ARHGAP29: variants seen among roughly 807,000 people sequenced by gnomAD.
ARHGAP29 encodes the protein rho GTPase-activating protein 29.
Under a neutral mutation model 122.6 loss-of-function variants are expected in ARHGAP29, and 43 were observed. That is an observed-to-expected ratio of 0.35 (90% CI 0.27 to 0.45). The LOEUF is 0.45. Among genes scored for constraint, ARHGAP29 ranks in the 20% least tolerant of loss-of-function variants. The pLI is 1.00. For synonymous variants in ARHGAP29, 506 were observed against 497.1 expected (o/e 1.02, Z -0.24); for missense variants, 1,303 against 1,477.2 (o/e 0.88, Z 1.93).
rs748546436 is a variant in ARHGAP29, at chr1:94,205,041, T to C, written c.697+20A>G. The C allele has an allele frequency of 6.4e-6, 10 of 1,550,478 alleles. No individual in the cohort carries two copies. The Admixed American group carries it at 1.7e-4, about 27-fold the overall frequency. ...CTTAATTATTATACTCTAAATCAGA[T>C]GCTTTAAAAGGCAACTCACCCAAGT... On this transcript the variant is annotated intron_variant, in intron 7 of 22. Coordinates refer to ENST00000260526, the MANE Select transcript of ARHGAP29 (RefSeq NM_004815.4).
At chr1:94,283,838 A>T in the ARHGAP29 span, among the ~76,000 whole-genome samples, 1 of 152,262 alleles carries the variant, frequency 6.6e-6, no homozygotes, top group Admixed American at 6.5e-5. Context: ...CTATCAAATG[A>T]TAGCATAAAG....
rs1648762964 is a variant in ARHGAP29 at position 94,171,976 on chromosome 1, T to C, written c.*1893A>G. 6.6e-6 allele frequency: 1 copy of C among 152,194 alleles called. No individual in the cohort carries two copies. Among genetic ancestry groups the C allele is most frequent in the African/African-American group, 2.4e-5 (1 of 41,458 alleles). The allele number at this position is 152,194 out of a possible 1,614,324, so 9.4% of individuals were successfully genotyped here. A position where few individuals can be genotyped will look rare whatever the true frequency, so the allele number is the denominator to read the frequency against. On this transcript the variant is annotated 3_prime_UTR_variant, in exon 23 of 23. Coordinates refer to ENST00000260526, the MANE Select transcript of ARHGAP29 (RefSeq NM_004815.4). ...ATATGCTTAAAAATGGTTCAAACAA[T>C]ATACTTAAAAATGGTAAATGTTATG...
At chr1:94,312,175 A>G in the ARHGAP29 span, among the ~76,000 whole-genome samples, 1 of 151,988 alleles carries the variant, frequency 6.6e-6, no homozygotes, top group East Asian at 1.9e-4. Flanking sequence ...TTTTCTCTTG[A>G]CTATATTCCA....
the ARHGAP29 span, among the ~76,000 whole-genome samples, chr1:94,288,844 T>C: frequency 2.0e-5 from 3 of 152,194 alleles, no homozygotes; most frequent in Non-Finnish European, 4.4e-5. Context: ...TCTGTTCTGT[T>C]CCATTGGTCT....
At position 94,237,570 on chromosome 1, in the gene ARHGAP29, G is replaced by C. The variant is rs373789567; in HGVS notation, c.-188C>G. On this transcript the variant is annotated 5_prime_UTR_variant, in exon 1 of 23. Coordinates refer to ENST00000260526, the MANE Select transcript of ARHGAP29 (RefSeq NM_004815.4). ...AGCCGCAGCCGCAGCCACAGCCACA[G>C]GCACCACCACCACTGCAGCCGCCAC... 4.0e-6 allele frequency: 4 copies of C among 991,902 alleles called. No homozygotes were observed. Among genetic ancestry groups the C allele is most frequent in the South Asian group, 9.0e-5 (2 of 22,344 alleles). 61.4% of individuals were successfully genotyped at this position (991,902 alleles called of 1,614,324 possible). A position where few individuals can be genotyped will look rare whatever the true frequency, so the allele number is the denominator to read the frequency against.
In ARHGAP29 at chr1:94,179,868, T is replaced by A. The variant is rs781187676; in HGVS notation, c.2337A>T (p.Thr779=). The A allele has an allele frequency of 1.9e-6, 3 of 1,613,352 alleles. No individual in the cohort carries two copies. The highest frequency in any genetic ancestry group is 2.2e-5 in the South Asian group (2 of 91,052). ...EIQHVNEEQE[T]KKNSLEDKKW... ...TTTTGTCTTCAAGACTATTCTTTTT[T>A]GTCTCTTGTTCTTCATTTACATGTT... Residue 779 remains threonine (T), a synonymous_variant, in exon 20 of 23, where the codon ACA becomes ACT. Coordinates refer to ENST00000260526, the MANE Select transcript of ARHGAP29 (RefSeq NM_004815.4).
intron 1 of ARHGAP29, among the ~76,000 whole-genome samples, chr1:94,266,158 C>T (rs926954745): frequency 1.3e-5 from 2 of 152,182 alleles, no homozygotes; most frequent in Non-Finnish European, 2.9e-5. Context: ...GGCCTTTCTA[C>T]AGCAATGCTA....
chr1:94,291,972 G>A, the ARHGAP29 span, among the ~76,000 whole-genome samples: 5,897 of 152,224 alleles, frequency 0.039, 145 homozygotes, highest in South Asian at 0.12. Context: ...GGTGTTCTCC[G>A]TATTTCCCGA....
chr1:94,170,338 T>A lies in ARHGAP29; in HGVS notation c.*3531A>T, dbSNP rs1300682193. On this transcript the variant is annotated 3_prime_UTR_variant, in exon 23 of 23. Transcript: ENST00000260526. ...TGTCTATCCTAAACCTTATGGGTCT[T>A]ATCTAATGATAAACCAAAACTGAGG... 2.6e-5 allele frequency among the ~76,000 whole-genome samples: 4 copies of A among 152,226 alleles called. No homozygotes were observed. The highest frequency in any genetic ancestry group is 9.6e-5 in the African/African-American group (4 of 41,462).
At chr1:94,203,050 T>C (rs1650960132) in intron 9 of ARHGAP29, 50 bp downstream of exon 9, 1 of 1,597,798 alleles carries the variant, frequency 6.3e-7, no homozygotes, top group Non-Finnish European at 8.5e-7. Flanking sequence ...TCTAATGGCA[T>C]GCCATTGCTT....
chr1:94,283,374 T>C, the ARHGAP29 span, among the ~76,000 whole-genome samples: 1 of 152,130 alleles, frequency 6.6e-6, no homozygotes, highest in Non-Finnish European at 1.5e-5. Flanking sequence ...TCTTGGAAGG[T>C]GCTACCCTTG....
chr1:94,182,709 T>C (rs541755621), intron 19 of ARHGAP29, among the ~76,000 whole-genome samples: 142 of 152,174 alleles, frequency 9.3e-4, no homozygotes, highest in Non-Finnish European at 1.9e-3. Flanking sequence ...GACATTTCCA[T>C]TCAAGAGAGT....
the ARHGAP29 span, chr1:94,302,110 T>C: frequency 3.6e-6 from 1 of 279,072 alleles, no homozygotes; most frequent in Non-Finnish European, 7.0e-6. Context: ...TGCTTTTAAC[T>C]CTGGCAAAGT....
At chr1:94,232,399 T>C (rs1307043049) in intron 1 of ARHGAP29, among the ~76,000 whole-genome samples, 2 of 152,122 alleles carry the variant, frequency 1.3e-5, no homozygotes, top group Non-Finnish European at 2.9e-5. Flanking sequence ...GATTACCAAG[T>C]CTCATCAAGG....
At position 94,220,111 on chromosome 1, in the gene ARHGAP29, T is replaced by C. The variant is rs2101581060; in HGVS notation, c.340+147A>G. The C allele has an allele frequency of 1.3e-5, 12 of 918,556 alleles. No individual in the cohort carries two copies. In the South Asian group the frequency reaches 1.8e-4, roughly 14 times the overall value. 56.9% of individuals were successfully genotyped at this position (918,556 alleles called of 1,614,324 possible). ...TTTAGGTGTGACTTAGTGGGAATAT[T>C]TCAATATCAAAGTATATATAACTCC... On this transcript the variant is annotated intron_variant, in intron 3 of 22. Transcript: ENST00000260526.
the ARHGAP29 span, among the ~76,000 whole-genome samples, chr1:94,296,562 AG>A: frequency 2.6e-5 from 4 of 152,292 alleles, no homozygotes; most frequent in African/African-American, 9.6e-5. Flanking sequence ...CCCCTCAATC[AG>A]GGGGGACTAC....
intron 19 of ARHGAP29, among the ~76,000 whole-genome samples, chr1:94,182,210 G>T (rs1649517598): frequency 6.6e-6 from 1 of 151,944 alleles, no homozygotes; most frequent in African/African-American, 2.4e-5. Context: ...TACCAGGAAT[G>T]AAATAGTTAA....
intron 1 of ARHGAP29, among the ~76,000 whole-genome samples, chr1:94,250,118 G>T (rs1654023891): frequency 6.6e-6 from 1 of 152,136 alleles, no homozygotes; most frequent in Non-Finnish European, 1.5e-5. Flanking sequence ...CCTGTTCCCT[G>T]AGGTGAAGGG....
chr1:94,217,544 A>C (rs943249609), intron 3 of ARHGAP29, among the ~76,000 whole-genome samples: 5 of 139,040 alleles, frequency 3.6e-5, no homozygotes, highest in Non-Finnish European at 7.9e-5. Context: ...AAAAAAAAAA[A>C]CACTCAATGA....
Sources: allele counts gnomAD v4.1 joint callset (sites outside exome capture counted in the v4.1 genomes callset), GRCh38; gene constraint gnomAD v4.1.1; transcripts MANE v1.5; gene names NCBI Gene and HGNC (gene_info 2026-07-23, HGNC 2026-07-21).